The following LAP3 variants were observed in gnomAD, a reference collection of about 807,000 sequenced individuals.
LAP3 encodes leucine aminopeptidase 3.
LAP3 carries 46 observed loss-of-function variants against 58.8 expected under a neutral mutation model. The observed-to-expected ratio is 0.78, with a 90% confidence interval of 0.62 to 1.00. LAP3 has a LOEUF of 1.00. Among genes scored for constraint, LAP3 ranks in the 50% least tolerant of loss-of-function variants. LAP3 has a pLI of 0.00. For synonymous variants in LAP3, 257 were observed against 237.7 expected (o/e 1.08, Z -0.75); for missense variants, 615 against 659.1 (o/e 0.93, Z 0.73).
At chr4:17,591,206 A>G (rs1259894030) in intron 7 of LAP3, among the ~76,000 whole-genome samples, 1 of 152,054 alleles carries the variant, frequency 6.6e-6, no homozygotes, top group African/African-American at 2.4e-5. Context: ...CCTCCCGAGT[A>G]GCTGGGATTA....
At chr4:17,579,301 G>T (rs1241649624) in intron 1 of LAP3, among the ~76,000 whole-genome samples, 1 of 152,312 alleles carries the variant, frequency 6.6e-6, no homozygotes, top group Non-Finnish European at 1.5e-5. Context: ...AGTTTCTGGT[G>T]ATAAGAATGT....
At chr4:17,606,774 G>C (rs1409596524) in intron 11 of LAP3, 55 bp from the exon 12 acceptor site, 1 of 1,176,160 alleles carries the variant, frequency 8.5e-7, no homozygotes, top group African/African-American at 1.5e-5. Flanking sequence ...TTAATGCCAT[G>C]AATTTCCCAC....
Position 17,597,080 on chromosome 4 carries a change from C to T in LAP3, c.1023C>T (p.Gly341=), listed in dbSNP as rs1265172715. 6.2e-6 allele frequency: 10 copies of T among 1,614,228 alleles called. No homozygotes were observed. Among genetic ancestry groups the T allele is most frequent in the Non-Finnish European group, 7.6e-6 (9 of 1,180,042 alleles). ...CTCTTTGTGAAAATATGCCCAGCGG[C>T]AAGGCCAACAAGCCGGGGGATGTTG... The part of the protein sequence containing the change: ...LAPLCENMPS[G]KANKPGDVVR... Residue 341 remains glycine, a synonymous_variant, in exon 9 of 13, where the codon GGC becomes GGT. Transcript: ENST00000226299.
At position 17,606,894 on chromosome 4, in the gene LAP3, T is replaced by G; in HGVS notation, c.1326T>G (p.Val442=). Residue 442 remains valine, a synonymous_variant, in exon 12 of 13, where the codon GTT becomes GTG. Coordinates refer to ENST00000226299, the MANE Select transcript of LAP3 (RefSeq NM_015907.3). ...MPLFEHYTRQ[V]VDCQLADVNN... is the part of the protein sequence containing the mutation. ...TCTTCGAACATTATACAAGACAGGT[T>G]GTAGATTGCCAGCTTGCTGATGTTA... 6.2e-7 allele frequency: 1 copy of G among 1,613,544 alleles called. No homozygotes were observed. The highest frequency in any genetic ancestry group is 8.5e-7 in the Non-Finnish European group (1 of 1,179,862).
In LAP3 at chr4:17,583,558, C is replaced by G. The variant is rs775885725; in HGVS notation, c.455C>G (p.Ala152Gly). 1 of 1,614,104 alleles carries G rather than the reference C, an allele frequency of 6.2e-7. No homozygotes were observed. Among genetic ancestry groups the G allele is most frequent in the Non-Finnish European group, 8.5e-7 (1 of 1,180,024 alleles). The stretch of plus-strand genomic sequence containing the variant: ...CCCTGTGGAGACGCTCAGGCTGCTG[C>G]GGAGGGAGCGGTGCTTGGTCTCTAT... ...VDPCGDAQAAAEGAVLGLYEY... is the reference protein window; with the variant it reads ...VDPCGDAQAAGEGAVLGLYEY... Residue 152 changes from alanine (A) to glycine (G), a missense_variant, in exon 5 of 13, where the codon GCG becomes GGG. Transcript: ENST00000226299.
At chr4:17,605,109 C>T (rs1018876128) in intron 11 of LAP3, among the ~76,000 whole-genome samples, 1 of 132,182 alleles carries the variant, frequency 7.6e-6, no homozygotes, top group African/African-American at 3.0e-5. Flanking sequence ...CCAGCAGTCA[C>T]CCTCACTTCC....
At chr4:17,592,921 C>T (rs1167249832) in intron 7 of LAP3, among the ~76,000 whole-genome samples, 1 of 152,220 alleles carries the variant, frequency 6.6e-6, no homozygotes, top group Non-Finnish European at 1.5e-5. Flanking sequence ...GCCTCAGCCT[C>T]CCGAGTAGCC....
chr4:17,598,645 TG>T (rs1223841285), intron 10 of LAP3, 87 bp downstream of exon 10: 1 of 967,970 alleles, frequency 1.0e-6, no homozygotes, highest in African/African-American at 1.6e-5. Flanking sequence ...GGCATTATTT[TG>T]CTAAAATTTG....
chr4:17,583,355 T>A, intron 4 of LAP3, 128 bp from the exon 5 acceptor site: 1 of 927,410 alleles, frequency 1.1e-6, no homozygotes, highest in Non-Finnish European at 1.7e-6. Context: ...GCTCAGAACA[T>A]TCGGGTATCA....
chr4:17,587,297 G>C (rs1395350632), intron 6 of LAP3, among the ~76,000 whole-genome samples: 1 of 152,200 alleles, frequency 6.6e-6, no homozygotes. Context: ...GCCGCGCTAA[G>C]CACTCTCCAT....
intron 5 of LAP3, 132 bp from the exon 6 acceptor site, chr4:17,584,840 C>A: frequency 1.2e-6 from 1 of 822,508 alleles, no homozygotes; most frequent in Non-Finnish European, 1.9e-6. Context: ...GAATCCAGGT[C>A]CTGTGTGCCA....
intron 5 of LAP3, among the ~76,000 whole-genome samples, chr4:17,584,155 G>A (rs1383123623): frequency 2.0e-5 from 3 of 152,260 alleles, no homozygotes; most frequent in African/African-American, 7.2e-5. Flanking sequence ...AGGGTTGGCA[G>A]CTGTGGGGAG....
intron 8 of LAP3, 148 bp downstream of exon 8, chr4:17,595,682 A>G: frequency 1.1e-6 from 1 of 945,900 alleles, no homozygotes; most frequent in Non-Finnish European, 1.6e-6. Context: ...TAGCCCAGAT[A>G]AGTGTTTTAC....
At chr4:17,588,710 C>G (rs1713595489) in intron 6 of LAP3, 109 bp from the exon 7 acceptor site, 1 of 1,051,024 alleles carries the variant, frequency 9.5e-7, no homozygotes, top group Non-Finnish European at 1.4e-6. Flanking sequence ...TGTGCGTATA[C>G]TTTAAGAGTT....
intron 10 of LAP3, among the ~76,000 whole-genome samples, chr4:17,602,638 ATTT>A (rs1185158694): frequency 1.3e-5 from 2 of 152,154 alleles, no homozygotes; most frequent in African/African-American, 4.8e-5. Context: ...CCAGTGGACT[ATTT>A]TTACATCATT....
Position 17,581,753 on chromosome 4 carries a change from GT to G in LAP3, c.219-3del. 6.2e-7 allele frequency: 1 copy of G among 1,612,764 alleles called. No homozygotes were observed. The highest frequency in any genetic ancestry group is 1.1e-5 in the South Asian group (1 of 90,966). ...TGTTTTAAAACGACTATTTCCTCTTGTTTTAGATCTGGACCACCTCTGAAGG... is the reference window on the plus strand; with the variant it reads ...TGTTTTAAAACGACTATTTCCTCTTGTTTAGATCTGGACCACCTCTGAAGG... On this transcript the variant is annotated splice_polypyrimidine_tract_variant and splice_region_variant and intron_variant, in intron 2 of 12. Coordinates refer to ENST00000226299, the MANE Select transcript of LAP3 (RefSeq NM_015907.3).
intron 10 of LAP3, among the ~76,000 whole-genome samples, chr4:17,603,551 C>A (rs1200857660): frequency 6.7e-6 from 1 of 149,636 alleles, no homozygotes. Context: ...GTTGCTCAGG[C>A]TGGAGTGCAA....
rs1429012087 is a variant in LAP3, at chr4:17,577,534, G to A, written c.69G>A (p.Gly23=). The A allele has an allele frequency of 3.8e-6, 6 of 1,576,572 alleles. No individual in the cohort carries two copies. The highest frequency in any genetic ancestry group is 5.2e-6 in the Non-Finnish European group (6 of 1,162,678). ...VVRRLAVRRF[G]SRSLSTADMT... is the part of the protein sequence containing the mutation. ...GACGTCTGGCCGTGAGACGTTTCGG[G>A]AGCCGGAGTCTCTCCACCGCAGACA... The change falls in exon 1 of 13, where the codon GGG becomes GGA. Residue 23 remains glycine (G), a synonymous_variant. Transcript: ENST00000226299.
At chr4:17,604,996 C>T (rs918083053) in intron 11 of LAP3, among the ~76,000 whole-genome samples, 2 of 152,044 alleles carry the variant, frequency 1.3e-5, no homozygotes, top group East Asian at 1.9e-4. Flanking sequence ...TTTGTGACTG[C>T]GTGTCGTGAG....
Sources: gnomAD v4.1 joint callset for allele counts (sites outside exome capture counted in the v4.1 genomes callset) on GRCh38, gnomAD v4.1.1 for gene constraint, MANE v1.5 for transcripts, NCBI Gene and HGNC (gene_info 2026-07-23, HGNC 2026-07-21) for gene names.